SLC5A12: variants seen among roughly 807,000 people sequenced by gnomAD.
The protein encoded by SLC5A12 is sodium-coupled monocarboxylate transporter 2.
A neutral mutation model predicts 72.7 loss-of-function variants in SLC5A12; 46 were observed. The ratio of observed to expected loss-of-function variants is 0.63; its 90% CI spans 0.50 to 0.81. The LOEUF (loss-of-function observed/expected upper bound fraction) is 0.81, where lower values mean the gene tolerates loss of function less well. Among genes scored for constraint, SLC5A12 ranks in the 30% least tolerant of loss-of-function variants. The pLI is 0.00. For missense variants in SLC5A12, 683 were observed against 740.7 expected (o/e 0.92, Z 0.90); for synonymous variants, 275 against 264.4 (o/e 1.04, Z -0.39).
intron 10 of SLC5A12, among the ~76,000 whole-genome samples, chr11:26,686,177 C>T (rs1854528245): frequency 6.6e-6 from 1 of 152,094 alleles, no homozygotes; most frequent in African/African-American, 2.4e-5. Context: ...ATTCTCAGAT[C>T]AGAATTTTTA....
chr11:26,701,423 T>G (rs865862747), intron 6 of SLC5A12, among the ~76,000 whole-genome samples: 1 of 152,180 alleles, frequency 6.6e-6, no homozygotes, highest in African/African-American at 2.4e-5. Context: ...TGTTAGGAAA[T>G]TATGTACATT....
chr11:26,683,949 A>G (rs1854468171), intron 10 of SLC5A12, 106 bp from the exon 11 acceptor site: 1 of 784,494 alleles, frequency 1.3e-6, no homozygotes, highest in Non-Finnish European at 2.1e-6. Context: ...CCTAGTCCTG[A>G]CTGTGCCATT....
chr11:26,671,263 A>G lies in SLC5A12; in HGVS notation c.1708-12T>C. 1 of 1,585,100 alleles carries G rather than the reference A, an allele frequency of 6.3e-7. No individual in the cohort carries two copies. Among genetic ancestry groups the G allele is most frequent in the Non-Finnish European group, 8.6e-7 (1 of 1,165,950 alleles). On this transcript the variant is annotated splice_polypyrimidine_tract_variant and intron_variant, in intron 14 of 14. Transcript: ENST00000396005. Reference sequence around the variant, plus strand: ...TTCTCAAGGTTTTCCTGAGGGAAATACAAAGACACATATTAGCAAGATATC... The same window carrying G: ...TTCTCAAGGTTTTCCTGAGGGAAATGCAAAGACACATATTAGCAAGATATC...
Position 26,683,816 on chromosome 11 carries a change from C to T in SLC5A12, c.1249G>A (p.Gly417Arg), listed in dbSNP as rs897152223. The T allele has an allele frequency of 6.3e-7, 1 of 1,598,448 alleles. No homozygotes were observed. The highest frequency in any genetic ancestry group is 1.7e-5 in the Admixed American group (1 of 58,026). The stretch of plus-strand genomic sequence containing the variant: ...GAGAATAAGCCCAGCATTGGTCCTC[C>T]ACACATGCCGTGAATGCTGAGGGAA... The part of the protein sequence containing the change: ...QASLSIHGMC[G>R]GPMLGLFSLG... The change falls in exon 11 of 15, where the codon GGA becomes AGA. Residue 417 changes from glycine to arginine, a missense_variant. Physicochemically the swap from Gly to Arg is moderately radical, Grantham distance 125 (BLOSUM62 -2). Coordinates refer to ENST00000396005, the MANE Select transcript of SLC5A12 (RefSeq NM_178498.4).
intron 4 of SLC5A12, among the ~76,000 whole-genome samples, chr11:26,704,881 C>T (rs1342433249): frequency 6.6e-6 from 1 of 151,860 alleles, no homozygotes; most frequent in African/African-American, 2.4e-5. Context: ...GAATATCAAA[C>T]AAAGAACTAG....
At chr11:26,705,525 T>C (rs964852439) in intron 4 of SLC5A12, among the ~76,000 whole-genome samples, 2 of 152,152 alleles carry the variant, frequency 1.3e-5, no homozygotes, top group Admixed American at 1.3e-4. Flanking sequence ...GGTTGCCCCA[T>C]CACTTCTTTT....
intron 13 of SLC5A12, among the ~76,000 whole-genome samples, chr11:26,678,344 G>A (rs1854311451): frequency 1.3e-5 from 2 of 151,900 alleles, no homozygotes; most frequent in Admixed American, 6.6e-5. Context: ...ATAATATATG[G>A]GAAATGTTTG....
At chr11:26,710,056 C>T (rs1022120684) in intron 3 of SLC5A12, among the ~76,000 whole-genome samples, 6 of 152,068 alleles carry the variant, frequency 3.9e-5, no homozygotes, top group Non-Finnish European at 7.4e-5. Context: ...TGTGCTGTTC[C>T]CCTCCCTGTG....
chr11:26,686,231 C>T (rs1393133324), intron 10 of SLC5A12, among the ~76,000 whole-genome samples: 3 of 152,116 alleles, frequency 2.0e-5, no homozygotes, highest in South Asian at 4.1e-4. Flanking sequence ...TAGTTTTAAT[C>T]GTTTCTCCTT....
At chr11:26,680,334 T>A (rs1854371126) in intron 12 of SLC5A12, among the ~76,000 whole-genome samples, 1 of 138,454 alleles carries the variant, frequency 7.2e-6, no homozygotes, top group African/African-American at 2.8e-5. Context: ...TATTCATATA[T>A]ATATGTATAT....
chr11:26,676,782 G>C (rs1343346014), intron 13 of SLC5A12, among the ~76,000 whole-genome samples: 1 of 152,164 alleles, frequency 6.6e-6, no homozygotes, highest in Non-Finnish European at 1.5e-5. Flanking sequence ...AATGATTAAT[G>C]ATATAAACTT....
At chr11:26,691,174 C>T (rs947935500) in intron 9 of SLC5A12, among the ~76,000 whole-genome samples, 1 of 151,908 alleles carries the variant, frequency 6.6e-6, no homozygotes, top group Non-Finnish European at 1.5e-5. Context: ...CAAATCATTA[C>T]TATCTGAAAA....
In SLC5A12 at chr11:26,698,520, G is replaced by A. The variant is rs780609345; in HGVS notation, c.837C>T (p.Asn279=). 2 of 1,613,952 alleles carry A rather than the reference G, an allele frequency of 1.2e-6. No individual in the cohort carries two copies. Among genetic ancestry groups the A allele is most frequent in the Non-Finnish European group, 8.5e-7 (1 of 1,179,928 alleles). The change falls in exon 7 of 15, where the codon AAC becomes AAT. Residue 279 remains asparagine (N), a synonymous_variant. Transcript: ENST00000396005. ...CCAGAATGATCCAGAGACCCAGCAA[G>A]TTAAAATACAAGGCACTAGAAAAGA... ...EKHAKLALYF[N]LLGLWIILVC... is the part of the protein sequence containing the mutation.
At chr11:26,675,336 T>C (rs1415760224) in intron 13 of SLC5A12, among the ~76,000 whole-genome samples, 1 of 152,198 alleles carries the variant, frequency 6.6e-6, no homozygotes, top group African/African-American at 2.4e-5. Context: ...AAGCAAAGTA[T>C]AGGGCTATAA....
In SLC5A12 at chr11:26,668,156, C is replaced by T. The variant is rs1854043357; in HGVS notation, c.*2946G>A. On this transcript the variant is annotated 3_prime_UTR_variant, in exon 15 of 15. Coordinates refer to ENST00000396005, the MANE Select transcript of SLC5A12 (RefSeq NM_178498.4). ...TCGTGTTTGAACCTAAGCCATTTGA[C>T]TGCAGTTCCTCACCTCAATCATAAG... 1 of 152,012 alleles carries T rather than the reference C, an allele frequency of 6.6e-6. No homozygotes were observed. The highest frequency in any genetic ancestry group is 2.4e-5 in the African/African-American group (1 of 41,430). The allele number at this position is 152,012 out of a possible 1,614,324, so 9.4% of individuals were successfully genotyped here. A position where few individuals can be genotyped will look rare whatever the true frequency, so the allele number is the denominator to read the frequency against.
At chr11:26,679,195 T>C (rs564976969) in intron 12 of SLC5A12, among the ~76,000 whole-genome samples, 3 of 152,220 alleles carry the variant, frequency 2.0e-5, no homozygotes, top group South Asian at 4.1e-4. Flanking sequence ...CAGGAGCTAA[T>C]AGACAATCAT....
intron 9 of SLC5A12, among the ~76,000 whole-genome samples, chr11:26,691,087 A>AT (rs1229925415): frequency 6.6e-6 from 1 of 152,082 alleles, no homozygotes; most frequent in Non-Finnish European, 1.5e-5. Context: ...ATATAAAGAG[A>AT]TTTTACAAAC....
At chr11:26,680,338 T>C (rs1186471951) in intron 12 of SLC5A12, among the ~76,000 whole-genome samples, 5 of 137,000 alleles carry the variant, frequency 3.6e-5, no homozygotes, top group African/African-American at 1.1e-4. Context: ...CATATATATA[T>C]GTATATATAT....
At chr11:26,691,750 C>T (rs1854680789) in intron 9 of SLC5A12, 1 of 152,100 alleles carries the variant, frequency 6.6e-6, no homozygotes, top group Admixed American at 6.6e-5. Context: ...TTTGTTTATA[C>T]TTTAAAAAGT....
Sources: allele counts gnomAD v4.1 joint callset (sites outside exome capture counted in the v4.1 genomes callset), GRCh38; gene constraint gnomAD v4.1.1; transcripts MANE v1.5; gene names NCBI Gene and HGNC (gene_info 2026-07-23, HGNC 2026-07-21).